Variants in ANKRD30B observed in about 807,000 individuals in gnomAD.
ANKRD30B encodes the protein ankyrin repeat domain-containing protein 30B.
Under a neutral mutation model 202.2 loss-of-function variants are expected in ANKRD30B, and 144 were observed. The observed-to-expected ratio is 0.71, with a 90% CI of 0.62 to 0.82. The LOEUF is 0.82. Ranked by LOEUF, ANKRD30B falls within the 40% of genes least tolerant of loss-of-function variation. ANKRD30B has a pLI of 0.00. For synonymous variants in ANKRD30B, 508 were observed against 561.3 expected, an observed-to-expected ratio of 0.91 and a Z score of 1.34; for missense variants, 1,487 against 1,669.1, an observed-to-expected ratio of 0.89 and a Z score of 1.90.
chr18:14,928,578 T>A, the ANKRD30B span, among the ~76,000 whole-genome samples: 1 of 152,160 alleles, frequency 6.6e-6, no homozygotes, highest in Non-Finnish European at 1.5e-5. Flanking sequence ...GATCCTGTTC[T>A]CCGGCCTTGG....
At chr18:14,758,065 C>T in intron 5 of ANKRD30B, 113 bp downstream of exon 5, 3 of 1,207,328 alleles carry the variant, frequency 2.5e-6, no homozygotes, top group Non-Finnish European at 3.4e-6. Context: ...AAAAGCCAGA[C>T]TAGTTAGAAG....
intron 14 of ANKRD30B, among the ~76,000 whole-genome samples, chr18:14,786,276 T>C (rs1487350035): frequency 1.3e-5 from 2 of 152,198 alleles, no homozygotes; most frequent in Non-Finnish European, 2.9e-5. Flanking sequence ...TCCTCAAGTC[T>C]TGTGTGGGCC....
chr18:14,900,102 T>C, the ANKRD30B span, among the ~76,000 whole-genome samples: 525 of 152,300 alleles, frequency 3.4e-3, 7 homozygotes, highest in African/African-American at 0.012. Flanking sequence ...AGTATGCCTT[T>C]AGTTAAATTA....
chr18:14,793,481 G>A (rs566269050), intron 16 of ANKRD30B, among the ~76,000 whole-genome samples: 318 of 151,784 alleles, frequency 2.1e-3, no homozygotes, highest in Non-Finnish European at 3.6e-3. Flanking sequence ...ATCACTCAGC[G>A]TATACATATT....
At chr18:14,773,676 G>C (rs1357365138) in intron 9 of ANKRD30B, among the ~76,000 whole-genome samples, 1 of 112,490 alleles carries the variant, frequency 8.9e-6, no homozygotes. Flanking sequence ...TTTTTTTTTT[G>C]AGACAGAGTC....
At chr18:14,863,891 C>G in the ANKRD30B span, among the ~76,000 whole-genome samples, 1 of 149,994 alleles carries the variant, frequency 6.7e-6, no homozygotes, top group Non-Finnish European at 1.5e-5. Flanking sequence ...ATCAGCATAT[C>G]AAAGATGTAA....
chr18:14,885,177 A>C, the ANKRD30B span, among the ~76,000 whole-genome samples: 2 of 152,020 alleles, frequency 1.3e-5, no homozygotes, highest in African/African-American at 4.8e-5. Context: ...ACTGACTGTT[A>C]AATATTTTAG....
At chr18:14,808,385 C>G (rs1431570307) in intron 24 of ANKRD30B, 166 bp from the exon 25 acceptor site, 1 of 717,618 alleles carries the variant, frequency 1.4e-6, no homozygotes, top group Non-Finnish European at 2.5e-6. Context: ...TATTTCTGTC[C>G]CATTGGCATG....
chr18:14,847,605 T>A (rs1177681651), intron 39 of ANKRD30B, among the ~76,000 whole-genome samples: 2 of 146,686 alleles, frequency 1.4e-5, no homozygotes, highest in Non-Finnish European at 3.0e-5. Context: ...TGCAATTTAG[T>A]TTTTAAAAGT....
the ANKRD30B span, among the ~76,000 whole-genome samples, chr18:14,938,165 C>T: frequency 2.6e-5 from 4 of 152,190 alleles, no homozygotes; most frequent in African/African-American, 9.6e-5. Flanking sequence ...CACACACAAC[C>T]GTGGCTGGTG....
the ANKRD30B span, chr18:14,915,702 T>C: frequency 6.6e-6 from 1 of 152,210 alleles, no homozygotes; most frequent in African/African-American, 2.4e-5. Flanking sequence ...TTTGTGCAGA[T>C]TGATTACTTA....
chr18:14,804,408 A>G (rs1969370528), intron 24 of ANKRD30B, among the ~76,000 whole-genome samples: 1 of 131,140 alleles, frequency 7.6e-6, no homozygotes, highest in South Asian at 2.8e-4. Flanking sequence ...CCACACATGT[A>G]TATAATTTGT....
At chr18:14,914,680 T>C in the ANKRD30B span, among the ~76,000 whole-genome samples, 1 of 152,158 alleles carries the variant, frequency 6.6e-6, no homozygotes, top group East Asian at 1.9e-4. Context: ...GGGTGTTGAG[T>C]TTCTAGCTTT....
chr18:14,793,598 T>C lies in ANKRD30B; in HGVS notation c.1825+2107T>C, dbSNP rs561453415. The stretch of plus-strand genomic sequence containing the variant: ...TTCAGCGATTAGCTTGTTTTTCATT[T>C]ATTTAAAGATTTCAGGCCAGGCGTG... On this transcript the variant is annotated intron_variant, in intron 16 of 43. Coordinates refer to ENST00000690538, the MANE Select transcript of ANKRD30B (RefSeq NM_001367607.2). Among the ~76,000 whole-genome samples the C allele has an allele frequency of 1.2e-3, 182 of 152,202 alleles. 1 individual carries two copies. The highest frequency in any genetic ancestry group is 4.3e-3 in the African/African-American group (177 of 41,542).
At chr18:14,819,614 T>C (rs1190629266) in intron 30 of ANKRD30B, among the ~76,000 whole-genome samples, 1 of 152,142 alleles carries the variant, frequency 6.6e-6, no homozygotes, top group Non-Finnish European at 1.5e-5. Flanking sequence ...ATTTATTAAA[T>C]AGGGAATCCT....
intron 39 of ANKRD30B, among the ~76,000 whole-genome samples, chr18:14,846,215 A>C (rs891455226): frequency 6.6e-6 from 1 of 152,008 alleles, no homozygotes; most frequent in African/African-American, 2.4e-5. Context: ...TTTTCATTTG[A>C]AGTTAGTTCA....
rs753495539 is a variant in ANKRD30B, at chr18:14,752,672, C to A, written c.328C>A (p.Leu110Met). ...CCTTGATGGCGAAGGGAGGACACCT[C>A]TGATGAAGGTAAATAGTAGCCAGTT... ...NVLDGEGRTP[L>M]MKALQCEREA... Residue 110 changes from leucine to methionine, a missense_variant, in exon 2 of 44, where the codon CTG (leucine) becomes ATG (methionine). Leu to Met is a conservative substitution (Grantham distance 15, BLOSUM62 2). Coordinates refer to ENST00000690538, the MANE Select transcript of ANKRD30B (RefSeq NM_001367607.2). The A allele has an allele frequency of 5.6e-6, 9 of 1,601,590 alleles. No individual in the cohort carries two copies. The highest frequency in any genetic ancestry group is 1.3e-5 in the African/African-American group (1 of 74,740).
chr18:14,886,723 A>G, the ANKRD30B span, among the ~76,000 whole-genome samples: 6 of 152,132 alleles, frequency 3.9e-5, no homozygotes, highest in East Asian at 1.2e-3. Context: ...AAAACTGATT[A>G]TGAACAGATA....
chr18:14,892,693 C>T, the ANKRD30B span, among the ~76,000 whole-genome samples: 3 of 132,392 alleles, frequency 2.3e-5, no homozygotes, highest in Non-Finnish European at 4.6e-5. Context: ...TGAGCCAAAA[C>T]GGTGCCACTG....
Sources: gnomAD v4.1 joint callset for allele counts (sites outside exome capture counted in the v4.1 genomes callset) on GRCh38, gnomAD v4.1.1 for gene constraint, MANE v1.5 for transcripts, NCBI Gene and HGNC (gene_info 2026-07-23, HGNC 2026-07-21) for gene names.